EP300: variants seen among roughly 807,000 people sequenced by gnomAD.
EP300 encodes histone acetyltransferase p300.
Under a neutral mutation model 264.0 loss-of-function variants are expected in EP300, and 31 were observed. The observed-to-expected ratio is 0.12, with a 90% CI of 0.09 to 0.16. The LOEUF (loss-of-function observed/expected upper bound fraction) is 0.16, where lower values mean the gene tolerates loss of function less well. Ranked by LOEUF, EP300 falls within the 10% of genes least tolerant of loss-of-function variation. EP300 has a pLI of 1.00. For missense variants in EP300, 2,766 were observed against 3,052.9 expected, an observed-to-expected ratio of 0.91 and a Z score of 2.21; for synonymous variants, 1,340 against 1,045.4, an observed-to-expected ratio of 1.28 and a Z score of -5.44.
At chr22:41,095,232 A>ATTT (rs66515117) in intron 1 of EP300, among the ~76,000 whole-genome samples, 14,076 of 80,254 alleles carry the variant, frequency 0.18, 1,515 homozygotes, top group Admixed American at 0.3. Flanking sequence ...TACCATTGTA[A>ATTT]TTTTTTTTTT....
intron 1 of EP300, among the ~76,000 whole-genome samples, chr22:41,098,185 A>G (rs1001537686): frequency 2.6e-5 from 4 of 152,126 alleles, no homozygotes; most frequent in Non-Finnish European, 4.4e-5. Context: ...TGAACTTCGC[A>G]GGTGATTTTT....
intron 11 of EP300, among the ~76,000 whole-genome samples, chr22:41,147,610 C>A (rs187141719): frequency 2.0e-5 from 3 of 151,400 alleles, no homozygotes; most frequent in African/African-American, 7.3e-5. Flanking sequence ...TGGTGGCGGA[C>A]GCCTGTAGTC....
chr22:41,110,282 ATTTTTTTTTTTTTTTTTTTTTTT>A lies in EP300; in HGVS notation c.95-6889_95-6867del, dbSNP rs71200660. 1.9e-4 allele frequency among the ~76,000 whole-genome samples: 9 copies of A among 48,222 alleles called. No homozygotes were observed. The South Asian group carries it at 6.8e-3, about 37-fold the overall frequency. The allele number at this position is 48,222 out of a possible 152,430, so 31.6% of individuals were successfully genotyped here. A position where few individuals can be genotyped will look rare whatever the true frequency, so the allele number is the denominator to read the frequency against. On this transcript the variant is annotated intron_variant, in intron 1 of 30. Transcript: ENST00000263253. ...AGGTGCATGCCAGCATATCCAGCTA[ATTTTTTTTTTTTTTTTTTTTTTT>A]TTTTTTTTTTTTTTTGAGACAAAGT...
chr22:41,151,688 G>A, intron 14 of EP300, 145 bp from the exon 15 acceptor site: 5 of 811,734 alleles, frequency 6.2e-6, no homozygotes, highest in African/African-American at 1.7e-5. Context: ...GGTGAAATGG[G>A]CAGAGCAAAT....
rs781703031 is a variant in EP300, at chr22:41,177,231, G to A, written c.5520G>A (p.Val1840=). 1 of 1,614,084 alleles carries A rather than the reference G, an allele frequency of 6.2e-7. No homozygotes were observed. The highest frequency in any genetic ancestry group is 8.5e-7 in the Non-Finnish European group (1 of 1,180,014). The part of the protein sequence containing the change: ...RRMASMQRTG[V]VGQQQGLPSP... Reference sequence around the variant, plus strand: ...TGGCCAGCATGCAGCGGACTGGTGTGGTTGGGCAGCAACAGGGCCTCCCTT... The same window carrying A: ...TGGCCAGCATGCAGCGGACTGGTGTAGTTGGGCAGCAACAGGGCCTCCCTT... The change falls in exon 31 of 31, where the codon GTG becomes GTA. Residue 1840 remains valine (V), a synonymous_variant. Coordinates refer to ENST00000263253, the MANE Select transcript of EP300 (RefSeq NM_001429.4).
chr22:41,092,676 C>T lies in EP300; in HGVS notation c.-329C>T, dbSNP rs1319951680. 4.8e-6 allele frequency: 3 copies of T among 622,596 alleles called. No individual in the cohort carries two copies. In the South Asian group the frequency reaches 6.1e-5, roughly 13 times the overall value. 38.6% of individuals were successfully genotyped at this position (622,596 alleles called of 1,614,324 possible). On this transcript the variant is annotated 5_prime_UTR_variant, in exon 1 of 31. Transcript: ENST00000263253. ...AGACCTCGGCTGGGCAGGGGCCGGC[C>T]GTGGCGGGCCGGGGACTGCGCCTCT...
At chr22:41,104,414 C>G (rs1049671746) in intron 1 of EP300, among the ~76,000 whole-genome samples, 1 of 151,982 alleles carries the variant, frequency 6.6e-6, no homozygotes, top group Non-Finnish European at 1.5e-5. Flanking sequence ...CTCAGCCTCC[C>G]AAGTAGCTGG....
At chr22:41,131,331 A>C (rs2058917942) in intron 5 of EP300, 57 bp from the exon 6 acceptor site, 2 of 1,566,952 alleles carry the variant, frequency 1.3e-6, no homozygotes, top group Non-Finnish European at 1.8e-6. Flanking sequence ...TAGACATGTT[A>C]GTCTTTTTTT....
intron 22 of EP300, 149 bp downstream of exon 22, chr22:41,164,279 C>A: frequency 1.3e-6 from 1 of 763,478 alleles, no homozygotes; most frequent in East Asian, 2.7e-5. Flanking sequence ...AATTATAGTT[C>A]GCTTTTTAAA....
chr22:41,169,426 A>G (rs1198235531), intron 25 of EP300, 77 bp from the exon 26 acceptor site: 2 of 876,938 alleles, frequency 2.3e-6, no homozygotes, highest in Admixed American at 1.7e-5. Context: ...AGAGGGTGTT[A>G]TTAGGCACAT....
At chr22:41,156,482 A>T (rs1453502977) in intron 17 of EP300, among the ~76,000 whole-genome samples, 2 of 152,168 alleles carry the variant, frequency 1.3e-5, no homozygotes, top group African/African-American at 4.8e-5. Context: ...ACACTTTTGG[A>T]GGCCAAGGCA....
At chr22:41,148,924 C>T in intron 12 of EP300, 114 bp from the exon 13 acceptor site, 1 of 1,438,638 alleles carries the variant, frequency 7.0e-7, no homozygotes, top group Non-Finnish European at 9.7e-7. Context: ...ATACTCCTGT[C>T]TTTGGCTTTT....
chr22:41,099,523 A>C (rs890503721), intron 1 of EP300, among the ~76,000 whole-genome samples: 1 of 152,206 alleles, frequency 6.6e-6, no homozygotes, highest in African/African-American at 2.4e-5. Flanking sequence ...CTTGTCATGC[A>C]CTGTGGCTGT....
Position 41,125,341 on chromosome 22 carries a change from A to C in EP300, c.730-523A>C, listed in dbSNP as rs186873910. Among the ~76,000 whole-genome samples, 6 of 151,560 alleles carry C rather than the reference A, an allele frequency of 4.0e-5. No individual in the cohort carries two copies. The East Asian group carries it at 1.2e-3, about 29-fold the overall frequency. On this transcript the variant is annotated intron_variant, in intron 2 of 30. Coordinates refer to ENST00000263253, the MANE Select transcript of EP300 (RefSeq NM_001429.4). ...CACCATGTTAGCCAGGATAGTCTCT[A>C]TCTCCTGACCTCATGATCCTCCCGC...
chr22:41,132,286 C>CTTTTT (rs532779902), intron 6 of EP300, among the ~76,000 whole-genome samples: 1 of 56,776 alleles, frequency 1.8e-5, no homozygotes, highest in African/African-American at 5.4e-5. Flanking sequence ...TTCTTTCATT[C>CTTTTT]TTTTTTTTTT....
intron 28 of EP300, among the ~76,000 whole-genome samples, chr22:41,173,105 T>C (rs185708651): frequency 1.2e-4 from 19 of 152,342 alleles, no homozygotes; most frequent in African/African-American, 4.1e-4. Context: ...CCTGGCTTAG[T>C]AACCTCACCA....
chr22:41,131,135 C>T lies in EP300; in HGVS notation c.1283-253C>T, dbSNP rs1043505666. ...TCCAAAGCATTCATACAGTGTTGGT[C>T]GGAACATTAATAAAGCCCTTTGGGA... On this transcript the variant is annotated intron_variant, in intron 5 of 30. Transcript: ENST00000263253. Among the ~76,000 whole-genome samples the T allele has an allele frequency of 1.6e-4, 24 of 152,026 alleles. 1 individual carries two copies. Among genetic ancestry groups the T allele is most frequent in the Admixed American group, 1.4e-3 (21 of 15,250 alleles).
chr22:41,168,253 A>T (rs1209804537), intron 23 of EP300, 196 bp from the exon 24 acceptor site: 2 of 605,464 alleles, frequency 3.3e-6, no homozygotes, highest in Non-Finnish European at 5.9e-6. Flanking sequence ...TTAGAATGAT[A>T]TGAAGATTAG....
In EP300 at chr22:41,170,693, G is replaced by A. The variant is rs1441912409; in HGVS notation, c.4452+122G>A. ...TTTTTTTTTTTTGAGACGGAGTCTC[G>A]CTCTGTCACGCAGGCTGGAGTGCAG... On this transcript the variant is annotated intron_variant, in intron 27 of 30. Coordinates refer to ENST00000263253, the MANE Select transcript of EP300 (RefSeq NM_001429.4). 15 of 1,040,764 alleles carry A rather than the reference G, an allele frequency of 1.4e-5. No homozygotes were observed. In the East Asian group the frequency reaches 2.2e-4, roughly 15 times the overall value. The allele number at this position is 1,040,764 out of a possible 1,614,324, so 64.5% of individuals were successfully genotyped here.
Sources: gnomAD v4.1 joint callset for allele counts (sites outside exome capture counted in the v4.1 genomes callset) on GRCh38, gnomAD v4.1.1 for gene constraint, MANE v1.5 for transcripts, NCBI Gene and HGNC (gene_info 2026-07-23, HGNC 2026-07-21) for gene names.